ODAD2: variants seen among roughly 807,000 people sequenced by gnomAD.
ODAD2 encodes the protein outer dynein arm-docking complex subunit 2.
A neutral mutation model predicts 106.8 loss-of-function variants in ODAD2; 89 were observed. The ratio of observed to expected loss-of-function variants is 0.83; its 90% CI spans 0.70 to 0.99. The LOEUF is 0.99. ODAD2 is among the 50% of genes least tolerant of loss of function. ODAD2 has a pLI of 0.00. For synonymous variants in ODAD2, 404 were observed against 436.2 expected, an observed-to-expected ratio of 0.93 and a Z score of 0.92; for missense variants, 1,168 against 1,238.5, an observed-to-expected ratio of 0.94 and a Z score of 0.85.
chr10:27,934,953 T>A, intron 16 of ODAD2, 57 bp downstream of exon 16: 1 of 1,590,902 alleles, frequency 6.3e-7, no homozygotes, highest in Non-Finnish European at 8.6e-7. Flanking sequence ...TTCTGTGACC[T>A]CCCAAGTGTT....
intron 17 of ODAD2, among the ~76,000 whole-genome samples, chr10:27,874,928 T>C (rs1406130312): frequency 6.6e-6 from 1 of 152,212 alleles, no homozygotes; most frequent in Non-Finnish European, 1.5e-5. Flanking sequence ...GAAGTTCTCC[T>C]GGATAATATC....
intron 19 of ODAD2, among the ~76,000 whole-genome samples, chr10:27,838,760 C>T (rs538459530): frequency 4.6e-5 from 7 of 150,994 alleles, no homozygotes; most frequent in Non-Finnish European, 8.9e-5. Flanking sequence ...TTTATTTTAC[C>T]ATACTGTTTG....
In ODAD2 at chr10:27,862,521, G is replaced by A; in HGVS notation, c.2712C>T (p.Ala904=). ...NKEVLASVCA[A]ITNIAKDQEN... is the part of the protein sequence containing the mutation. ...CTTGATCTTTTGCTATGTTGGTAATGGCAGCACATACACTTGCCAGAACTT... is the reference window on the plus strand; with the variant it reads ...CTTGATCTTTTGCTATGTTGGTAATAGCAGCACATACACTTGCCAGAACTT... Residue 904 remains alanine (A), a synonymous_variant, in exon 18 of 20, where the codon GCC becomes GCT. Coordinates refer to ENST00000305242, the MANE Select transcript of ODAD2 (RefSeq NM_018076.5). 6.2e-7 allele frequency: 1 copy of A among 1,612,604 alleles called. No homozygotes were observed. Among genetic ancestry groups the A allele is most frequent in the Non-Finnish European group, 8.5e-7 (1 of 1,179,340 alleles).
chr10:27,873,556 TC>T (rs1484908153), intron 17 of ODAD2, among the ~76,000 whole-genome samples: 2 of 148,850 alleles, frequency 1.3e-5, no homozygotes, highest in Non-Finnish European at 3.0e-5. Context: ...GTGTGTTGTG[TC>T]TTTGTTCTCA....
intron 10 of ODAD2, among the ~76,000 whole-genome samples, chr10:27,960,717 T>C (rs1380649653): frequency 1.3e-5 from 2 of 152,206 alleles, no homozygotes; most frequent in Non-Finnish European, 2.9e-5. Context: ...TGTGATATTT[T>C]GATAAATGTT....
intron 7 of ODAD2, among the ~76,000 whole-genome samples, chr10:27,973,793 A>C (rs542914081): frequency 1.3e-5 from 2 of 152,306 alleles, no homozygotes; most frequent in East Asian, 3.9e-4. Flanking sequence ...CTCTGGGTAT[A>C]TACCCAGTAA....
intron 17 of ODAD2, among the ~76,000 whole-genome samples, chr10:27,898,175 A>G (rs947202064): frequency 6.6e-6 from 1 of 152,150 alleles, no homozygotes; most frequent in Non-Finnish European, 1.5e-5. Flanking sequence ...TTCAATGACC[A>G]TTGACAGTTA....
intron 19 of ODAD2, among the ~76,000 whole-genome samples, chr10:27,831,175 T>C (rs1430514753): frequency 6.6e-6 from 1 of 152,230 alleles, no homozygotes; most frequent in East Asian, 1.9e-4. Context: ...CAGATAATGC[T>C]ACCTCGGCCT....
chr10:27,897,143 G>A (rs978879740), intron 17 of ODAD2, among the ~76,000 whole-genome samples: 10 of 151,868 alleles, frequency 6.6e-5, no homozygotes, highest in Non-Finnish European at 1.3e-4. Context: ...AAGTTCTCCT[G>A]GTTTTCCCAT....
intron 19 of ODAD2, among the ~76,000 whole-genome samples, chr10:27,850,371 G>A (rs1198085528): frequency 6.6e-6 from 1 of 151,174 alleles, no homozygotes; most frequent in Admixed American, 6.6e-5. Flanking sequence ...CGTGAACCTG[G>A]GAGGCAGAGC....
chr10:27,998,289 G>A (rs931823560), intron 1 of ODAD2, among the ~76,000 whole-genome samples: 17 of 152,188 alleles, frequency 1.1e-4, no homozygotes, highest in Non-Finnish European at 2.4e-4. Context: ...AGGGCCCTAA[G>A]TAAAACCAAA....
chr10:27,980,134 G>C (rs1394454201), intron 7 of ODAD2, among the ~76,000 whole-genome samples: 2 of 152,056 alleles, frequency 1.3e-5, no homozygotes, highest in Non-Finnish European at 1.5e-5. Context: ...ACATGCAAAA[G>C]AATGAAATTG....
chr10:27,935,605 A>G (rs1845913808), intron 15 of ODAD2, among the ~76,000 whole-genome samples: 1 of 151,778 alleles, frequency 6.6e-6, no homozygotes, highest in South Asian at 2.1e-4. Flanking sequence ...ATTATATGTT[A>G]TATATTTTTG....
chr10:27,921,079 T>C (rs1844745016), intron 16 of ODAD2, among the ~76,000 whole-genome samples: 1 of 152,244 alleles, frequency 6.6e-6, no homozygotes, highest in African/African-American at 2.4e-5. Context: ...AGAGAAATTG[T>C]AGGAAATTAG....
intron 16 of ODAD2, among the ~76,000 whole-genome samples, chr10:27,928,725 TCTGA>T (rs145723361): frequency 0.023 from 3,574 of 152,216 alleles, 114 homozygotes; most frequent in African/African-American, 0.071. Flanking sequence ...TACTATGCAA[TCTGA>T]CTTTCATTTT....
At chr10:27,865,225 C>G (rs566637672) in intron 17 of ODAD2, among the ~76,000 whole-genome samples, 1 of 152,166 alleles carries the variant, frequency 6.6e-6, no homozygotes, top group Non-Finnish European at 1.5e-5. Context: ...TCTATGTGAG[C>G]TAATAATAAG....
intron 19 of ODAD2, among the ~76,000 whole-genome samples, chr10:27,831,312 G>T (rs562769548): frequency 6.6e-6 from 1 of 152,138 alleles, no homozygotes; most frequent in African/African-American, 2.4e-5. Flanking sequence ...CATCATCACC[G>T]AAAACGACAT....
At chr10:27,958,043 T>A (rs1847853396) in intron 10 of ODAD2, among the ~76,000 whole-genome samples, 1 of 152,236 alleles carries the variant, frequency 6.6e-6, no homozygotes, top group African/African-American at 2.4e-5. Flanking sequence ...TCGTTTTGTG[T>A]CTCCATATAA....
chr10:27,848,068 C>T (rs181899753), intron 19 of ODAD2, among the ~76,000 whole-genome samples: 3 of 152,178 alleles, frequency 2.0e-5, no homozygotes, highest in African/African-American at 7.2e-5. Context: ...CTGGAAAAAA[C>T]TACTTTAAAG....
Sources: allele counts gnomAD v4.1 joint callset (sites outside exome capture counted in the v4.1 genomes callset), GRCh38; gene constraint gnomAD v4.1.1; transcripts MANE v1.5; gene names NCBI Gene and HGNC (gene_info 2026-07-23, HGNC 2026-07-21).